The following PAX7 variants were observed in gnomAD, a reference collection of about 807,000 sequenced individuals.
PAX7 encodes paired box protein Pax-7.
PAX7 carries 18 observed loss-of-function variants against 50.7 expected under a neutral mutation model. The ratio of observed to expected loss-of-function variants is 0.36; its 90% CI spans 0.25 to 0.53. PAX7 has a LOEUF of 0.53. Ranked by LOEUF, PAX7 falls within the 20% of genes least tolerant of loss-of-function variation. The pLI is 0.93. For missense variants in PAX7, 644 were observed against 702.9 expected, an observed-to-expected ratio of 0.92 and a Z score of 0.95; for synonymous variants, 310 against 290.4, an observed-to-expected ratio of 1.07 and a Z score of -0.69.
rs779367142 is a variant in PAX7, at chr1:18,668,880, G to A, written c.587-22874G>A. Among the ~76,000 whole-genome samples, 130 of 152,302 alleles carry A rather than the reference G, an allele frequency of 8.5e-4. 2 individuals are homozygous for A. Among genetic ancestry groups the A allele is most frequent in the Non-Finnish European group, 8.1e-4 (55 of 68,032 alleles). Reference sequence around the variant, plus strand: ...GCCTTTGTCCTGGTTTGAGGCAGGCGGGTGTGTCTGGAAGCCCTGGAGCAG... The same window carrying A: ...GCCTTTGTCCTGGTTTGAGGCAGGCAGGTGTGTCTGGAAGCCCTGGAGCAG... On this transcript the variant is annotated intron_variant, in intron 4 of 8. Transcript: ENST00000420770.
At position 18,735,982 on chromosome 1, in the gene PAX7, A is replaced by G. The variant is rs776833593; in HGVS notation, c.1402+104A>G. 6 of 1,613,264 alleles carry G rather than the reference A, an allele frequency of 3.7e-6. No homozygotes were observed. The highest frequency in any genetic ancestry group is 5.1e-6 in the Non-Finnish European group (6 of 1,179,596). On this transcript the variant is annotated intron_variant, in intron 8 of 8. Transcript: ENST00000420770. The surrounding 1 kb of genome is among the most constrained non-coding windows in gnomAD (Gnocchi z 4.0). The stretch of plus-strand genomic sequence containing the variant: ...GCTACAAGGTGGTGTCAGGGTGGGG[A>G]ATGTCCATTTCACAGATGGAAAAAT...
At chr1:18,635,286 G>A in intron 3 of PAX7, 46 bp downstream of exon 3, 4 of 1,607,782 alleles carry the variant, frequency 2.5e-6, no homozygotes, top group Non-Finnish European at 3.4e-6. Flanking sequence ...AGTGTGGCCA[G>A]GGGTCCAGTG....
At chr1:18,733,799 G>A (rs1011819918) in intron 7 of PAX7, among the ~76,000 whole-genome samples, 2 of 152,200 alleles carry the variant, frequency 1.3e-5, no homozygotes, top group Non-Finnish European at 2.9e-5. Flanking sequence ...ATTCATTCTT[G>A]AGAGTTGAAC....
chr1:18,654,200 C>A (rs972495214), intron 4 of PAX7, among the ~76,000 whole-genome samples: 1 of 151,892 alleles, frequency 6.6e-6, no homozygotes. Context: ...GAGCCCTCCC[C>A]CCACCCGCCA....
intron 5 of PAX7, among the ~76,000 whole-genome samples, chr1:18,698,451 C>T (rs900734439): frequency 6.6e-6 from 1 of 152,130 alleles, no homozygotes; most frequent in Non-Finnish European, 1.5e-5. Context: ...GACCCCTCTT[C>T]CCCCCTTCTC....
At chr1:18,727,324 A>T (rs1570236261) in intron 7 of PAX7, among the ~76,000 whole-genome samples, 1 of 151,068 alleles carries the variant, frequency 6.6e-6, no homozygotes, top group African/African-American at 2.4e-5. Flanking sequence ...CACACACAGT[A>T]TTCACACATG....
At chr1:18,737,602 G>A (rs113481732) in intron 8 of PAX7, among the ~76,000 whole-genome samples, 7,259 of 152,316 alleles carry the variant, frequency 0.048, 232 homozygotes, top group East Asian at 0.088. Context: ...TTGCATATGC[G>A]CGAATACATG....
intron 6 of PAX7, among the ~76,000 whole-genome samples, chr1:18,701,663 C>A (rs2100323406): frequency 6.6e-6 from 1 of 152,288 alleles, no homozygotes; most frequent in Middle Eastern, 3.4e-3. Context: ...CTTTGAGGAC[C>A]TGAGAAAGCT....
chr1:18,673,610 T>C (rs906407339), intron 4 of PAX7, among the ~76,000 whole-genome samples: 1 of 152,040 alleles, frequency 6.6e-6, no homozygotes, highest in African/African-American at 2.4e-5. Context: ...TTTTTATTGA[T>C]CAAAAAAAAG....
chr1:18,742,407 T>C (rs947948346), intron 8 of PAX7, among the ~76,000 whole-genome samples: 1 of 152,108 alleles, frequency 6.6e-6, no homozygotes, highest in Non-Finnish European at 1.5e-5. Flanking sequence ...CCACCCACCT[T>C]GGCCTCCCAA....
chr1:18,684,503 C>T (rs1055732083), intron 4 of PAX7, among the ~76,000 whole-genome samples: 14 of 152,250 alleles, frequency 9.2e-5, no homozygotes, highest in Admixed American at 6.5e-5. Context: ...GCAGCCACGC[C>T]CGAGCCCCGT....
intron 4 of PAX7, among the ~76,000 whole-genome samples, chr1:18,683,785 A>G (rs772154117): frequency 2.6e-5 from 4 of 152,232 alleles, no homozygotes; most frequent in Non-Finnish European, 5.9e-5. Context: ...TGTTGCAGTG[A>G]GCTGAGATCA....
In PAX7 at chr1:18,634,481, C is replaced by T. The variant is rs775221697; in HGVS notation, c.264C>T (p.Cys88=). Reference sequence around the variant, plus strand: ...ACGGCTGCGTCTCCAAGATTCTTTGCCGCTACCAGGAGACCGGGTCCATCC... The same window carrying T: ...ACGGCTGCGTCTCCAAGATTCTTTGTCGCTACCAGGAGACCGGGTCCATCC... The part of the protein sequence containing the change: ...VSHGCVSKIL[C]RYQETGSIRP... Residue 88 remains cysteine, a synonymous_variant, in exon 2 of 9, where the codon TGC becomes TGT. Coordinates refer to ENST00000420770, the MANE Select transcript of PAX7 (RefSeq NM_001135254.2). This position sits in a 1 kb window ranked among gnomAD's most constrained non-coding sequence, Gnocchi z 4.0. 6.2e-6 allele frequency: 10 copies of T among 1,614,160 alleles called. No homozygotes were observed. In the South Asian group the frequency reaches 9.9e-5, roughly 16 times the overall value.
In PAX7 at chr1:18,720,835, G is replaced by A. The variant is rs143856189; in HGVS notation, c.1156-14797G>A. 8.4e-3 allele frequency among the ~76,000 whole-genome samples: 1,285 copies of A among 152,108 alleles called. 5 individuals carry two copies. Among genetic ancestry groups the A allele is most frequent in the Admixed American group, 0.024 (360 of 15,288 alleles). Reference sequence around the variant, plus strand: ...GGCATATACAAGGGTGGGGCCAGGAGAGGAAGAGACACAGGGAGAGAGATA... The same window carrying A: ...GGCATATACAAGGGTGGGGCCAGGAAAGGAAGAGACACAGGGAGAGAGATA... On this transcript the variant is annotated intron_variant, in intron 7 of 8. Coordinates refer to ENST00000420770, the MANE Select transcript of PAX7 (RefSeq NM_001135254.2).
intron 7 of PAX7, among the ~76,000 whole-genome samples, chr1:18,707,918 G>A (rs1303656699): frequency 6.6e-6 from 1 of 152,084 alleles, no homozygotes; most frequent in East Asian, 1.9e-4. Context: ...GAAAACTGAG[G>A]CCAATGACTC....
chr1:18,653,952 G>A (rs1471424354), intron 4 of PAX7, among the ~76,000 whole-genome samples: 5 of 152,056 alleles, frequency 3.3e-5, no homozygotes, highest in African/African-American at 4.8e-5. Flanking sequence ...CCCCATTCTC[G>A]TTCTGGTGTC....
In PAX7 at chr1:18,649,452, C is replaced by T. The variant is rs181537975; in HGVS notation, c.586+13081C>T. ...TCTAACAGGCTCTGCAGGACTCTGACACCTTTGCCCTAAGAAGCCTGAAGG... is the reference window on the plus strand; with the variant it reads ...TCTAACAGGCTCTGCAGGACTCTGATACCTTTGCCCTAAGAAGCCTGAAGG... On this transcript the variant is annotated intron_variant, in intron 4 of 8. Transcript: ENST00000420770. Among the ~76,000 whole-genome samples the T allele has an allele frequency of 4.4e-4, 67 of 152,254 alleles. 2 individuals are homozygous for T. The highest frequency in any genetic ancestry group is 1.5e-3 in the African/African-American group (62 of 41,544).
rs1218575314 is a variant in PAX7, at chr1:18,745,153, A to G, written c.*224A>G. On this transcript the variant is annotated 3_prime_UTR_variant, in exon 9 of 9. Transcript: ENST00000420770. ...TGGAGTCTGCTCCCCACTTTCCCCAAGGAGGGTTTCTGGTCAGCCTGAGGT... is the reference window on the plus strand; with the variant it reads ...TGGAGTCTGCTCCCCACTTTCCCCAGGGAGGGTTTCTGGTCAGCCTGAGGT... The G allele has an allele frequency of 3.5e-6, 2 of 564,440 alleles. No individual in the cohort carries two copies. Among genetic ancestry groups the G allele is most frequent in the Non-Finnish European group, 6.3e-6 (2 of 316,048 alleles). 35.0% of individuals were successfully genotyped at this position (564,440 alleles called of 1,614,324 possible). A position where few individuals can be genotyped will look rare whatever the true frequency, so the allele number is the denominator to read the frequency against.
intron 8 of PAX7, among the ~76,000 whole-genome samples, chr1:18,742,421 G>A (rs1931199188): frequency 6.6e-6 from 1 of 152,196 alleles, no homozygotes; most frequent in African/African-American, 2.4e-5. Context: ...CTCCCAAAGT[G>A]CTGGGATTAC....
Sources: gnomAD v4.1 joint callset for allele counts (sites outside exome capture counted in the v4.1 genomes callset) on GRCh38, gnomAD v4.1.1 for gene constraint, Gnocchi (gnomAD v3.1) non-coding constraint, MANE v1.5 for transcripts, NCBI Gene and HGNC (gene_info 2026-07-23, HGNC 2026-07-21) for gene names.